Variants in CLSTN2 observed in about 807,000 individuals in gnomAD.
The protein encoded by CLSTN2 is calsyntenin-2.
A neutral mutation model predicts 101.2 loss-of-function variants in CLSTN2; 48 were observed. That is an observed-to-expected ratio of 0.47 (90% CI 0.38 to 0.60). CLSTN2 has a LOEUF of 0.60. Ranked by LOEUF, CLSTN2 falls within the 20% of genes least tolerant of loss-of-function variation. CLSTN2 has a pLI of 0.00. For synonymous variants in CLSTN2, 481 were observed against 463.6 expected (o/e 1.04, Z -0.48); for missense variants, 1,160 against 1,238.2 (o/e 0.94, Z 0.95).
chr3:139,959,409 A>G (rs1409791185), intron 1 of CLSTN2, among the ~76,000 whole-genome samples: 2 of 152,306 alleles, frequency 1.3e-5, no homozygotes, highest in Non-Finnish European at 2.9e-5. Context: ...GACTGTTACA[A>G]TGATACATAA....
At chr3:139,998,335 C>CTTTTTTTTTTTTTTT (rs1290360293) in intron 1 of CLSTN2, among the ~76,000 whole-genome samples, 2 of 20,430 alleles carry the variant, frequency 9.8e-5, no homozygotes, top group Non-Finnish European at 1.6e-4. Context: ...CCCCCACATG[C>CTTTTTTTTTTTTTTT]CTTTTTTTTT....
At chr3:140,156,093 A>G (rs9862454) in intron 1 of CLSTN2, among the ~76,000 whole-genome samples, 2,338 of 152,048 alleles carry the variant, frequency 0.015, 36 homozygotes, top group Non-Finnish European at 0.027. Flanking sequence ...TTCCTCCCTC[A>G]TCCCACTGTC....
chr3:140,550,922 G>C (rs1935688868), intron 10 of CLSTN2, among the ~76,000 whole-genome samples: 1 of 151,556 alleles, frequency 6.6e-6, no homozygotes, highest in South Asian at 2.1e-4. Context: ...GGGCATGGCT[G>C]GTAAGAACTA....
At chr3:140,280,500 A>G (rs1204782584) in intron 2 of CLSTN2, among the ~76,000 whole-genome samples, 3 of 152,198 alleles carry the variant, frequency 2.0e-5, no homozygotes, top group East Asian at 1.9e-4. Flanking sequence ...AATTCTTCAC[A>G]CTTCGGACAG....
At chr3:140,285,070 T>C in intron 2 of CLSTN2, among the ~76,000 whole-genome samples, 1 of 152,092 alleles carries the variant, frequency 6.6e-6, no homozygotes, top group East Asian at 1.9e-4. Flanking sequence ...TGGTCATTGC[T>C]GTGGGCAAGT....
chr3:140,429,727 G>A (rs1187952389), intron 5 of CLSTN2, among the ~76,000 whole-genome samples: 1 of 152,172 alleles, frequency 6.6e-6, no homozygotes, highest in African/African-American at 2.4e-5. Context: ...ATTTCTGAGT[G>A]CACTTTCAAG....
chr3:140,176,058 C>T lies in CLSTN2; in HGVS notation c.217C>T (p.Pro73Ser), dbSNP rs2010318761. ...ACTGGTAGCCCTGGATAAAGATGCACCGGTTCCTTTTGCAGGTGAGATTAT... is the reference window on the plus strand; with the variant it reads ...ACTGGTAGCCCTGGATAAAGATGCATCGGTTCCTTTTGCAGGTGAGATTAT... ...PPLVALDKDA[P>S]VPFAGEICAF... The change falls in exon 2 of 17, where the codon CCG (proline) becomes TCG (serine). Residue 73 changes from proline (P) to serine (S), a missense_variant. By Grantham distance (74) the Pro-to-Ser change is moderately conservative. Coordinates refer to ENST00000458420, the MANE Select transcript of CLSTN2 (RefSeq NM_022131.3). 1.2e-6 allele frequency: 2 copies of T among 1,613,790 alleles called. No homozygotes were observed. The highest frequency in any genetic ancestry group is 2.2e-5 in the South Asian group (2 of 91,044).
intron 16 of CLSTN2, among the ~76,000 whole-genome samples, 155 bp downstream of exon 16, chr3:140,564,300 C>A (rs1187398104): frequency 6.6e-6 from 1 of 152,172 alleles, no homozygotes; most frequent in Non-Finnish European, 1.5e-5. Flanking sequence ...CTCTGAGCTC[C>A]TCTAGCCCTC....
intron 2 of CLSTN2, among the ~76,000 whole-genome samples, chr3:140,313,971 C>G (rs532506279): frequency 6.6e-6 from 1 of 152,248 alleles, no homozygotes; most frequent in South Asian, 2.1e-4. Context: ...AGCCACAAGG[C>G]CAAAGGACTA....
chr3:140,541,712 T>C (rs1397689662), intron 9 of CLSTN2, among the ~76,000 whole-genome samples: 1 of 152,194 alleles, frequency 6.6e-6, no homozygotes, highest in East Asian at 1.9e-4. Flanking sequence ...ATGTCTCTGC[T>C]CTGCACCTCG....
chr3:140,441,898 G>T (rs1356717300), intron 5 of CLSTN2, among the ~76,000 whole-genome samples: 1 of 152,148 alleles, frequency 6.6e-6, no homozygotes. Flanking sequence ...ACATATGTCT[G>T]CACCTTCTGA....
intron 8 of CLSTN2, among the ~76,000 whole-genome samples, chr3:140,499,860 C>T (rs866224481): frequency 3.3e-5 from 5 of 152,066 alleles, no homozygotes; most frequent in South Asian, 4.1e-4. Context: ...GTCAGGAGAT[C>T]GAGACCATCC....
intron 2 of CLSTN2, among the ~76,000 whole-genome samples, chr3:140,322,377 C>G (rs910130972): frequency 6.6e-6 from 1 of 152,170 alleles, no homozygotes; most frequent in African/African-American, 2.4e-5. Flanking sequence ...GATAGAAACA[C>G]AAATATACAG....
intron 1 of CLSTN2, among the ~76,000 whole-genome samples, chr3:140,000,830 G>A (rs2006819494): frequency 6.6e-6 from 1 of 152,094 alleles, no homozygotes; most frequent in Admixed American, 6.5e-5. Context: ...TTGTCCAGGA[G>A]ACAGGAAAAG....
At chr3:140,079,479 G>A (rs575745183) in intron 1 of CLSTN2, among the ~76,000 whole-genome samples, 62 of 152,306 alleles carry the variant, frequency 4.1e-4, no homozygotes, top group African/African-American at 1.5e-3. Flanking sequence ...GCTGGGTGCA[G>A]TGGCTCACAC....
chr3:140,524,159 G>T (rs1391399020), intron 8 of CLSTN2, among the ~76,000 whole-genome samples: 1 of 152,228 alleles, frequency 6.6e-6, no homozygotes, highest in Admixed American at 6.5e-5. Context: ...TGTTTACTGA[G>T]GCCAGGGATC....
chr3:140,427,209 A>G (rs347324), intron 5 of CLSTN2, among the ~76,000 whole-genome samples: 24,573 of 91,400 alleles, frequency 0.27, 3,280 homozygotes, highest in East Asian at 0.54. Flanking sequence ...ATATATGTGT[A>G]TATATATATA....
At chr3:139,936,109 A>C (rs957655127) in intron 1 of CLSTN2, among the ~76,000 whole-genome samples, 11 of 152,070 alleles carry the variant, frequency 7.2e-5, no homozygotes, top group African/African-American at 2.7e-4. Flanking sequence ...AGGACCGAGG[A>C]GCCTAACCTG....
chr3:140,070,168 T>G (rs2008367201), intron 1 of CLSTN2, among the ~76,000 whole-genome samples: 1 of 152,238 alleles, frequency 6.6e-6, no homozygotes, highest in African/African-American at 2.4e-5. Context: ...TCCATTTAGA[T>G]AACAGCATCC....
Sources: gnomAD v4.1 joint callset for allele counts (sites outside exome capture counted in the v4.1 genomes callset) on GRCh38, gnomAD v4.1.1 for gene constraint, MANE v1.5 for transcripts, NCBI Gene and HGNC (gene_info 2026-07-23, HGNC 2026-07-21) for gene names.